QTMAN: variants seen among roughly 807,000 people sequenced by gnomAD.
The protein encoded by QTMAN is tRNA-queuosine alpha-mannosyltransferase.
the QTMAN span, among the ~76,000 whole-genome samples, chr2:144,105,481 A>G: frequency 6.6e-6 from 1 of 152,250 alleles, no homozygotes; most frequent in African/African-American, 2.4e-5. Flanking sequence ...AGCCGATTCA[A>G]TCAACTGGAA....
chr2:144,216,218 C>G, the QTMAN span, among the ~76,000 whole-genome samples: 1 of 152,158 alleles, frequency 6.6e-6, no homozygotes, highest in African/African-American at 2.4e-5. Flanking sequence ...TTCTATGAAG[C>G]CTTTCCCTGA....
the QTMAN span, among the ~76,000 whole-genome samples, chr2:144,019,658 A>C: frequency 6.6e-6 from 1 of 152,154 alleles, no homozygotes; most frequent in East Asian, 1.9e-4. Context: ...AACTTCTCTA[A>C]GCCTATGCAG....
chr2:143,998,596 TA>T, the QTMAN span, among the ~76,000 whole-genome samples: 126 of 152,104 alleles, frequency 8.3e-4, 2 homozygotes, highest in East Asian at 0.02. Flanking sequence ...CATAAGAGTT[TA>T]AAAAGTGATT....
At chr2:144,050,937 G>A in the QTMAN span, among the ~76,000 whole-genome samples, 2 of 152,134 alleles carry the variant, frequency 1.3e-5, no homozygotes, top group African/African-American at 4.8e-5. Context: ...AATCATGAAT[G>A]CAGAACACAC....
At chr2:144,055,310 AACACACACACACACAGACACACAG>A in the QTMAN span, among the ~76,000 whole-genome samples, 1 of 147,076 alleles carries the variant, frequency 6.8e-6, no homozygotes, top group African/African-American at 2.5e-5. Flanking sequence ...CCTGAAATGG[AACACACACACACACAGACACACAG>A]ACACACACAC....
the QTMAN span, among the ~76,000 whole-genome samples, chr2:144,157,523 A>G: frequency 6.6e-6 from 1 of 152,036 alleles, no homozygotes; most frequent in African/African-American, 2.4e-5. Context: ...CCATAAGCGA[A>G]GTGAGAAGGG....
the QTMAN span, among the ~76,000 whole-genome samples, chr2:144,118,003 G>A: frequency 3.9e-4 from 59 of 151,982 alleles, no homozygotes; most frequent in Admixed American, 9.8e-4. Context: ...CCGCCACCAC[G>A]CCCGGCTAAT....
At chr2:144,280,000 G>A in the QTMAN span, among the ~76,000 whole-genome samples, 1 of 152,112 alleles carries the variant, frequency 6.6e-6, no homozygotes, top group Non-Finnish European at 1.5e-5. Context: ...GTGTATGTGG[G>A]AACTCAGCAC....
At chr2:144,311,421 T>A in the QTMAN span, among the ~76,000 whole-genome samples, 1 of 152,198 alleles carries the variant, frequency 6.6e-6, no homozygotes, top group Non-Finnish European at 1.5e-5. Context: ...GTTTCCAACT[T>A]GATAATGCAC....
the QTMAN span, among the ~76,000 whole-genome samples, chr2:144,107,474 C>T: frequency 1.3e-5 from 2 of 152,162 alleles, no homozygotes; most frequent in Non-Finnish European, 2.9e-5. Flanking sequence ...ATACTACAAA[C>T]AACTCTATGA....
the QTMAN span, among the ~76,000 whole-genome samples, chr2:144,065,928 C>T: frequency 6.6e-6 from 1 of 151,948 alleles, no homozygotes; most frequent in Non-Finnish European, 1.5e-5. Flanking sequence ...TCAAAGATAA[C>T]CAAAGCTTAA....
the QTMAN span, among the ~76,000 whole-genome samples, chr2:144,231,843 GGTGTGTGTGTGTGTGT>G: frequency 2.7e-3 from 374 of 138,448 alleles, 2 homozygotes; most frequent in Non-Finnish European, 3.8e-3. Flanking sequence ...GAATGAAAGA[GGTGTGTGTGTGTGTGT>G]GTGTGTGTGT....
At chr2:143,994,741 A>G in the QTMAN span, among the ~76,000 whole-genome samples, 1 of 152,164 alleles carries the variant, frequency 6.6e-6, no homozygotes, top group African/African-American at 2.4e-5. Flanking sequence ...AGGGGTGAAA[A>G]CAGGGTTTGA....
At chr2:144,077,050 CA>C in the QTMAN span, among the ~76,000 whole-genome samples, 39,861 of 133,760 alleles carry the variant, frequency 0.3, 5,790 homozygotes, top group African/African-American at 0.42. Context: ...TTCAAAAAGC[CA>C]AAAAAAAAAA....
the QTMAN span, among the ~76,000 whole-genome samples, chr2:144,003,252 G>A: frequency 6.6e-6 from 1 of 151,820 alleles, no homozygotes; most frequent in Non-Finnish European, 1.5e-5. Context: ...TTTGAGAACT[G>A]TGGCCTTGAG....
chr2:143,986,932 A>C, the QTMAN span, among the ~76,000 whole-genome samples: 1 of 152,204 alleles, frequency 6.6e-6, no homozygotes, highest in Non-Finnish European at 1.5e-5. Context: ...GAATTGTGTG[A>C]AATATCAAAC....
the QTMAN span, among the ~76,000 whole-genome samples, chr2:144,002,761 A>C: frequency 6.6e-6 from 1 of 151,962 alleles, no homozygotes. Flanking sequence ...CATATTCCAC[A>C]TTACAGCAAA....
chr2:144,160,744 C>G, the QTMAN span, among the ~76,000 whole-genome samples: 1 of 152,122 alleles, frequency 6.6e-6, no homozygotes, highest in African/African-American at 2.4e-5. Context: ...AGAGGGGAGA[C>G]AGCACCAAAT....
the QTMAN span, among the ~76,000 whole-genome samples, chr2:144,054,080 C>T: frequency 2.6e-5 from 4 of 151,812 alleles, no homozygotes; most frequent in East Asian, 1.9e-4. Flanking sequence ...CCCAGCTACT[C>T]GGGAGGCTGA....
Sources: allele counts gnomAD v4.1 joint callset (sites outside exome capture counted in the v4.1 genomes callset), GRCh38; gene constraint gnomAD v4.1.1; transcripts MANE v1.5; gene names NCBI Gene and HGNC (gene_info 2026-07-23, HGNC 2026-07-21).